The following RAPGEF6 variants were observed in gnomAD, a reference collection of about 807,000 sequenced individuals.
RAPGEF6 encodes the protein PDZ domain containing guanine nucleotide exchange factor (GEF) 2.
In RAPGEF6, 56 loss-of-function variants were observed where a neutral mutation model predicts 171.4. That is an observed-to-expected ratio of 0.33 (90% CI 0.26 to 0.41). RAPGEF6 has a LOEUF of 0.41. Among genes scored for constraint, RAPGEF6 ranks in the 10% least tolerant of loss-of-function variants. The pLI, the probability that RAPGEF6 is intolerant of heterozygous loss-of-function variation, is 1.00. For synonymous variants in RAPGEF6, 692 were observed against 650.1 expected, an observed-to-expected ratio of 1.06 and a Z score of -0.98; for missense variants, 1,674 against 1,921.4, an observed-to-expected ratio of 0.87 and a Z score of 2.41.
intron 15 of RAPGEF6, among the ~76,000 whole-genome samples, chr5:131,483,073 G>A (rs1755597968): frequency 2.0e-5 from 3 of 152,252 alleles, no homozygotes; most frequent in Middle Eastern, 3.4e-3. Flanking sequence ...ATTTGGCTGG[G>A]TGTGGTGGCT....
chr5:131,525,861 G>A (rs1235040691), intron 6 of RAPGEF6, among the ~76,000 whole-genome samples: 1 of 152,106 alleles, frequency 6.6e-6, no homozygotes, highest in African/African-American at 2.4e-5. Flanking sequence ...AGTCTCCCAA[G>A]TGGCTTCATA....
intron 5 of RAPGEF6, among the ~76,000 whole-genome samples, chr5:131,555,145 T>A (rs1761151715): frequency 6.6e-6 from 1 of 152,158 alleles, no homozygotes; most frequent in Non-Finnish European, 1.5e-5. Flanking sequence ...GCCCAATAAT[T>A]TTAAATATTT....
At chr5:131,562,105 T>C (rs2149967819) in intron 4 of RAPGEF6, 58 bp from the exon 5 acceptor site, 1 of 1,159,880 alleles carries the variant, frequency 8.6e-7, no homozygotes. Flanking sequence ...TATATCAATA[T>C]AGGAAAAGAA....
At chr5:131,463,734 C>A in intron 18 of RAPGEF6, 1 of 1,008,334 alleles carries the variant, frequency 9.9e-7, no homozygotes, top group Non-Finnish European at 1.2e-6. Context: ...AAAACCATGG[C>A]TTCTTTTGCC....
At chr5:131,543,622 C>T (rs1454694839) in intron 6 of RAPGEF6, among the ~76,000 whole-genome samples, 6 of 152,218 alleles carry the variant, frequency 3.9e-5, no homozygotes, top group South Asian at 4.2e-4. Context: ...CAGGCAAACC[C>T]GGTATTACAA....
chr5:131,599,710 GCTTGACA>G (rs1434919247), intron 3 of RAPGEF6, among the ~76,000 whole-genome samples: 13 of 152,172 alleles, frequency 8.5e-5, no homozygotes, highest in African/African-American at 2.7e-4. Flanking sequence ...ATTACTGTGA[GCTTGACA>G]CTTCCCTAAA....
rs566334683 is a variant in RAPGEF6 at position 131,568,368 on chromosome 5, G to A, written c.282-6321C>T. Among the ~76,000 whole-genome samples, 5 of 148,402 alleles carry A rather than the reference G, an allele frequency of 3.4e-5. No individual in the cohort carries two copies. The South Asian group carries it at 8.5e-4, about 25-fold the overall frequency. ...TTTTTTAGAGATAGGGTCTCATTCT[G>A]TTGCTGAGTTGGAGTGAAGTGGCAT... On this transcript the variant is annotated intron_variant, in intron 4 of 27. Coordinates refer to ENST00000509018, the MANE Select transcript of RAPGEF6 (RefSeq NM_016340.6).
intron 6 of RAPGEF6, among the ~76,000 whole-genome samples, chr5:131,546,608 A>C (rs1760556184): frequency 6.6e-6 from 1 of 152,146 alleles, no homozygotes; most frequent in Non-Finnish European, 1.5e-5. Flanking sequence ...CATCTCAAAA[A>C]AAAAAAATAA....
intron 6 of RAPGEF6, among the ~76,000 whole-genome samples, chr5:131,525,840 C>A (rs1219373530): frequency 6.6e-6 from 1 of 152,032 alleles, no homozygotes; most frequent in Non-Finnish European, 1.5e-5. Flanking sequence ...ACACAATGAA[C>A]CAAAGCCAGA....
intron 23 of RAPGEF6, among the ~76,000 whole-genome samples, chr5:131,441,491 C>T (rs150491364): frequency 6.6e-6 from 1 of 152,328 alleles, no homozygotes; most frequent in East Asian, 1.9e-4. Flanking sequence ...CGTCACCAAT[C>T]TTTTAGGCTG....
intron 6 of RAPGEF6, among the ~76,000 whole-genome samples, chr5:131,545,798 G>A (rs1436560606): frequency 1.3e-5 from 2 of 152,056 alleles, no homozygotes; most frequent in Admixed American, 6.5e-5. Flanking sequence ...TCTCTAACCC[G>A]GTCTCATAGT....
At chr5:131,552,186 C>T (rs1172338036) in intron 5 of RAPGEF6, among the ~76,000 whole-genome samples, 2 of 151,812 alleles carry the variant, frequency 1.3e-5, no homozygotes, top group Non-Finnish European at 2.9e-5. Context: ...TCATAAAGCT[C>T]ATCCCAAACA....
chr5:131,440,178 A>G, intron 23 of RAPGEF6: 1 of 455,966 alleles, frequency 2.2e-6, no homozygotes, highest in Non-Finnish European at 4.4e-6. Context: ...GTATACGGGA[A>G]GAGGCTGCAG....
rs1753949441 is a variant in RAPGEF6 at position 131,461,714 on chromosome 5, G to A, written c.2855C>T (p.Ala952Val). Residue 952 changes from alanine to valine, a missense_variant, in exon 19 of 28, where the codon GCA becomes GTA. By Grantham distance (64) the Ala-to-Val change is moderately conservative (BLOSUM62 0). Transcript: ENST00000509018. Reference protein sequence around the residue: ...RECKNFNSMFAIISGLNLASV... With the variant: ...RECKNFNSMFVIISGLNLASV... The stretch of plus-strand genomic sequence containing the variant: ...ATTTGTACCAACTTACCTTATTATT[G>A]CAAACATGGAATTGAAGTTCTTACA... 2 of 1,595,612 alleles carry A rather than the reference G, an allele frequency of 1.3e-6. No individual in the cohort carries two copies. The highest frequency in any genetic ancestry group is 1.7e-6 in the Non-Finnish European group (2 of 1,166,508).
intron 24 of RAPGEF6, among the ~76,000 whole-genome samples, chr5:131,435,016 T>C (rs2149808110): frequency 6.6e-6 from 1 of 152,338 alleles, no homozygotes; most frequent in Admixed American, 6.5e-5. Flanking sequence ...GGTATGTTAC[T>C]GGAATTCTCA....
chr5:131,457,510 T>C (rs1285223643), intron 19 of RAPGEF6, among the ~76,000 whole-genome samples: 1 of 152,232 alleles, frequency 6.6e-6, no homozygotes, highest in East Asian at 1.9e-4. Context: ...AAGTAAAGGA[T>C]AAAACAATTC....
intron 15 of RAPGEF6, among the ~76,000 whole-genome samples, chr5:131,488,535 T>TA (rs1254671794): frequency 6.6e-5 from 10 of 152,202 alleles, no homozygotes; most frequent in Admixed American, 2.6e-4. Flanking sequence ...TCTGAAGGCT[T>TA]ACTTACTTAT....
chr5:131,508,882 T>C (rs983245567), intron 8 of RAPGEF6, among the ~76,000 whole-genome samples: 1 of 152,222 alleles, frequency 6.6e-6, no homozygotes, highest in African/African-American at 2.4e-5. Context: ...AATAGTATAG[T>C]ATACAATTCT....
At chr5:131,440,515 A>T (rs1412814362) in intron 23 of RAPGEF6, among the ~76,000 whole-genome samples, 1 of 152,100 alleles carries the variant, frequency 6.6e-6, no homozygotes, top group Non-Finnish European at 1.5e-5. Context: ...AGGTGGGTGG[A>T]TCACCTGAAG....
Sources: gnomAD v4.1 joint callset for allele counts (sites outside exome capture counted in the v4.1 genomes callset) on GRCh38, gnomAD v4.1.1 for gene constraint, MANE v1.5 for transcripts, NCBI Gene and HGNC (gene_info 2026-07-23, HGNC 2026-07-21) for gene names.